The following TRAPPC8 variants were observed in gnomAD, a reference collection of about 807,000 sequenced individuals.
The protein encoded by TRAPPC8 is general sporulation gene 1 homolog.
A neutral mutation model predicts 174.3 loss-of-function variants in TRAPPC8; 54 were observed. That is an observed-to-expected ratio of 0.31 (90% CI 0.25 to 0.39). The LOEUF (loss-of-function observed/expected upper bound fraction) is 0.39, where lower values mean the gene tolerates loss of function less well. Among genes scored for constraint, TRAPPC8 ranks in the 10% least tolerant of loss-of-function variants. TRAPPC8 has a pLI of 1.00. For synonymous variants in TRAPPC8, 630 were observed against 579.9 expected (o/e 1.09, Z -1.24); for missense variants, 1,531 against 1,699.1 (o/e 0.90, Z 1.74).
Position 31,858,058 on chromosome 18 carries a change from C to CCT in TRAPPC8, c.2746-77_2746-76insAG, listed in dbSNP as rs566108687. The CCT allele has an allele frequency of 1.1e-4, 111 of 977,794 alleles. No homozygotes were observed. In the Middle Eastern group the frequency reaches 6.8e-3, roughly 60 times the overall value. 60.6% of individuals were successfully genotyped at this position (977,794 alleles called of 1,614,324 possible). A position where few individuals can be genotyped will look rare whatever the true frequency, so the allele number is the denominator to read the frequency against. On this transcript the variant is annotated intron_variant, in intron 19 of 28. Transcript: ENST00000283351. ...CTCTAATGAATAACACTTTAAGACA[C>CCT]TTTTTTTTTTTTTTACCAAAGGTTT...
At chr18:31,862,606 C>A (rs540678038) in intron 19 of TRAPPC8, among the ~76,000 whole-genome samples, 15 of 152,108 alleles carry the variant, frequency 9.9e-5, no homozygotes, top group African/African-American at 3.6e-4. Context: ...CTACAAAATT[C>A]TTTACATGCA....
intron 1 of TRAPPC8, chr18:31,939,560 G>C (rs2038242881): frequency 1.3e-5 from 2 of 152,040 alleles, no homozygotes; most frequent in South Asian, 4.1e-4. Context: ...TCCTTCATAG[G>C]GAATGACTGC....
At chr18:31,872,973 G>C (rs976156439) in intron 14 of TRAPPC8, among the ~76,000 whole-genome samples, 1 of 148,710 alleles carries the variant, frequency 6.7e-6, no homozygotes, top group Non-Finnish European at 1.5e-5. Context: ...TCAGGTGACA[G>C]GACAAAAGAA....
intron 22 of TRAPPC8, among the ~76,000 whole-genome samples, chr18:31,853,034 T>C (rs114448523): frequency 3.6e-3 from 546 of 152,354 alleles, no homozygotes; most frequent in African/African-American, 0.01. Flanking sequence ...CCAACATTAC[T>C]ATACGAACAC....
chr18:31,875,545 A>T (rs1223201274), intron 12 of TRAPPC8, among the ~76,000 whole-genome samples: 1 of 152,164 alleles, frequency 6.6e-6, no homozygotes, highest in Non-Finnish European at 1.5e-5. Flanking sequence ...TGGGCAAGAC[A>T]TGACGGGGTT....
intron 10 of TRAPPC8, among the ~76,000 whole-genome samples, chr18:31,899,313 CG>C (rs1434295410): frequency 6.6e-6 from 1 of 152,174 alleles, no homozygotes; most frequent in Non-Finnish European, 1.5e-5. Context: ...ATAGCATTCA[CG>C]ATTTCAGAGG....
rs1246506445 is a variant in TRAPPC8 at position 31,880,090 on chromosome 18, A to AATATAT, written c.1729-5392_1729-5387dup. Among the ~76,000 whole-genome samples the AATATAT allele has an allele frequency of 9.7e-4, 83 of 85,342 alleles. 1 individual carries two copies. Among genetic ancestry groups the AATATAT allele is most frequent in the South Asian group, 2.5e-3 (5 of 2,018 alleles). The allele number at this position is 85,342 out of a possible 152,430, so 56.0% of individuals were successfully genotyped here. A position where few individuals can be genotyped will look rare whatever the true frequency, so the allele number is the denominator to read the frequency against. On this transcript the variant is annotated intron_variant, in intron 12 of 28. Coordinates refer to ENST00000283351, the MANE Select transcript of TRAPPC8 (RefSeq NM_014939.5). ...TTTTACTGAAACTATTGAAAAAAAA[A>AATATAT]ATATATATATATATATATATATATA...
intron 11 of TRAPPC8, among the ~76,000 whole-genome samples, chr18:31,894,217 T>C (rs1002102333): frequency 6.6e-6 from 1 of 152,228 alleles, no homozygotes; most frequent in Admixed American, 6.5e-5. Flanking sequence ...GGTCCAGCTT[T>C]ATTCTTCATT....
At chr18:31,841,075 CA>C (rs2033069495) in intron 26 of TRAPPC8, among the ~76,000 whole-genome samples, 1 of 151,800 alleles carries the variant, frequency 6.6e-6, no homozygotes, top group African/African-American at 2.4e-5. Flanking sequence ...GTATGATATA[CA>C]AATGTATGAA....
intron 26 of TRAPPC8, among the ~76,000 whole-genome samples, chr18:31,841,536 T>TA (rs761573967): frequency 1.1e-3 from 159 of 151,334 alleles, no homozygotes; most frequent in Non-Finnish European, 1.6e-3. Context: ...TCAGAAACGT[T>TA]AAAAAAAAAC....
At chr18:31,930,159 G>A (rs1466610974) in intron 2 of TRAPPC8, among the ~76,000 whole-genome samples, 1 of 149,244 alleles carries the variant, frequency 6.7e-6, no homozygotes, top group Non-Finnish European at 1.5e-5. Flanking sequence ...TCGCTCTGTT[G>A]CCCAGGCTGG....
At chr18:31,880,113 A>G (rs2035364719) in intron 12 of TRAPPC8, among the ~76,000 whole-genome samples, 1 of 84,134 alleles carries the variant, frequency 1.2e-5, no homozygotes, top group Non-Finnish European at 2.5e-5. Flanking sequence ...ATATATATAT[A>G]TATATATATT....
chr18:31,848,516 TTAACA>T (rs1246585080), intron 25 of TRAPPC8, among the ~76,000 whole-genome samples: 11 of 152,186 alleles, frequency 7.2e-5, no homozygotes, highest in Non-Finnish European at 1.3e-4. Flanking sequence ...ACTGATCTTC[TTAACA>T]TAAAATGCCT....
At chr18:31,874,740 C>CA in intron 12 of TRAPPC8, 36 bp from the exon 13 acceptor site, 1 of 1,562,470 alleles carries the variant, frequency 6.4e-7, no homozygotes, top group South Asian at 1.2e-5. Flanking sequence ...TATTATACTC[C>CA]AAATTTGTTT....
chr18:31,886,743 G>T (rs1381931707), intron 12 of TRAPPC8, among the ~76,000 whole-genome samples: 1 of 152,216 alleles, frequency 6.6e-6, no homozygotes, highest in African/African-American at 2.4e-5. Flanking sequence ...AGTACTTTGG[G>T]AGGCTGAGGC....
At chr18:31,936,990 A>G (rs2038133181) in intron 1 of TRAPPC8, among the ~76,000 whole-genome samples, 1 of 150,622 alleles carries the variant, frequency 6.6e-6, no homozygotes. Flanking sequence ...AGGCGGGTGG[A>G]TCACGAGGTC....
rs184034551 is a variant in TRAPPC8, at chr18:31,848,491, C to T, written c.3735+1075G>A. 1.1e-4 allele frequency among the ~76,000 whole-genome samples: 17 copies of T among 152,246 alleles called. No homozygotes were observed. The East Asian group carries it at 1.2e-3, about 10-fold the overall frequency. On this transcript the variant is annotated intron_variant, in intron 25 of 28. Transcript: ENST00000283351. ...TCTAAAGTTCGGAAGAATTTGATTT[C>T]GCCAATAATGTATAACTGATCTTCT...
At chr18:31,932,877 G>A (rs933046156) in intron 1 of TRAPPC8, among the ~76,000 whole-genome samples, 1 of 151,872 alleles carries the variant, frequency 6.6e-6, no homozygotes, top group Non-Finnish European at 1.5e-5. Context: ...AGCTACTGGG[G>A]ACGCTGAGGC....
At chr18:31,839,505 T>TA in intron 26 of TRAPPC8, 48 bp from the exon 27 acceptor site, 2 of 1,502,636 alleles carry the variant, frequency 1.3e-6, no homozygotes, top group Non-Finnish European at 8.9e-7. Context: ...ACTACCTTGT[T>TA]TAAAAAAAAA....
Sources: allele counts gnomAD v4.1 joint callset (sites outside exome capture counted in the v4.1 genomes callset), GRCh38; gene constraint gnomAD v4.1.1; transcripts MANE v1.5; gene names NCBI Gene and HGNC (gene_info 2026-07-23, HGNC 2026-07-21).